The following CDH12 variants were observed in gnomAD, a reference collection of about 807,000 sequenced individuals.
CDH12 encodes cadherin-12.
Under a neutral mutation model 74.1 loss-of-function variants are expected in CDH12, and 41 were observed. The ratio of observed to expected loss-of-function variants is 0.55; its 90% CI spans 0.43 to 0.72. The LOEUF (loss-of-function observed/expected upper bound fraction) is 0.72, where lower values mean the gene tolerates loss of function less well. Ranked by LOEUF, CDH12 falls within the 30% of genes least tolerant of loss-of-function variation. The pLI is 0.00. For synonymous variants in CDH12, 399 were observed against 355.0 expected, an observed-to-expected ratio of 1.12 and a Z score of -1.39; for missense variants, 945 against 977.2, an observed-to-expected ratio of 0.97 and a Z score of 0.44.
chr5:21,880,000 A>G (rs544695614), intron 6 of CDH12, among the ~76,000 whole-genome samples: 2 of 152,222 alleles, frequency 1.3e-5, no homozygotes, highest in Non-Finnish European at 2.9e-5. Context: ...AGCTGTGAGC[A>G]GACAGTTCTG....
At chr5:22,088,665 TG>T (rs1447198123) in intron 4 of CDH12, among the ~76,000 whole-genome samples, 1 of 152,134 alleles carries the variant, frequency 6.6e-6, no homozygotes, top group African/African-American at 2.4e-5. Flanking sequence ...ATACTTTATT[TG>T]GACAGAGTGT....
chr5:22,072,500 T>C (rs1410132617), intron 5 of CDH12, among the ~76,000 whole-genome samples: 1 of 151,874 alleles, frequency 6.6e-6, no homozygotes, highest in Admixed American at 6.6e-5. Flanking sequence ...GTCATAGACA[T>C]TTCCCAACAG....
intron 1 of CDH12, among the ~76,000 whole-genome samples, chr5:22,735,291 A>G (rs1744627751): frequency 6.6e-6 from 1 of 151,912 alleles, no homozygotes; most frequent in Non-Finnish European, 1.5e-5. Flanking sequence ...CAAATAATAT[A>G]TGTGAGTTTT....
chr5:22,760,244 G>A (rs1166580181), intron 1 of CDH12, among the ~76,000 whole-genome samples: 1 of 152,098 alleles, frequency 6.6e-6, no homozygotes. Context: ...AACTGATAAA[G>A]ACAATACAGT....
At chr5:22,305,632 C>A (rs957983995) in intron 3 of CDH12, among the ~76,000 whole-genome samples, 1 of 152,082 alleles carries the variant, frequency 6.6e-6, no homozygotes, top group African/African-American at 2.4e-5. Context: ...AAGGGCATAA[C>A]CTTGGGAGAC....
chr5:22,225,238 G>A lies in CDH12; in HGVS notation c.-332-12595C>T, dbSNP rs115873642. On this transcript the variant is annotated intron_variant, in intron 3 of 14. Coordinates refer to ENST00000382254, the MANE Select transcript of CDH12 (RefSeq NM_004061.5). ...AGAATGATGTAGAAAGGATGCTAAC[G>A]TTATAAATATACAATAGCATAGCTC... 1.7e-3 allele frequency among the ~76,000 whole-genome samples: 262 copies of A among 152,170 alleles called. 4 individuals carry two copies. Among genetic ancestry groups the A allele is most frequent in the African/African-American group, 5.7e-3 (237 of 41,532 alleles).
intron 6 of CDH12, among the ~76,000 whole-genome samples, chr5:21,931,568 C>T (rs567011052): frequency 3.3e-5 from 5 of 152,072 alleles, no homozygotes; most frequent in African/African-American, 1.2e-4. Context: ...ATAAATCTGC[C>T]CAAGAATAAC....
At chr5:21,816,013 T>C (rs1190353437) in intron 9 of CDH12, among the ~76,000 whole-genome samples, 1 of 152,160 alleles carries the variant, frequency 6.6e-6, no homozygotes, top group Non-Finnish European at 1.5e-5. Flanking sequence ...CACAGAATAA[T>C]AGCACCTATA....
intron 1 of CDH12, among the ~76,000 whole-genome samples, chr5:22,837,295 C>T (rs1736870707): frequency 6.6e-6 from 1 of 152,020 alleles, no homozygotes; most frequent in Admixed American, 6.6e-5. Flanking sequence ...GTGGTCCTAG[C>T]TCCTCTGAAG....
intron 1 of CDH12, among the ~76,000 whole-genome samples, chr5:22,544,517 T>C (rs908140946): frequency 1.3e-5 from 2 of 152,086 alleles, no homozygotes; most frequent in African/African-American, 4.8e-5. Context: ...GTAGCAGGTA[T>C]ATTAAAAATG....
chr5:22,807,242 CATT>C (rs1407567970), intron 1 of CDH12, among the ~76,000 whole-genome samples: 1 of 152,082 alleles, frequency 6.6e-6, no homozygotes, highest in Non-Finnish European at 1.5e-5. Flanking sequence ...ATATTATAGT[CATT>C]ATGTTGGAAT....
intron 6 of CDH12, among the ~76,000 whole-genome samples, chr5:21,888,378 C>T (rs1043620626): frequency 1.3e-5 from 2 of 152,116 alleles, no homozygotes; most frequent in African/African-American, 4.8e-5. Context: ...GACTACATCA[C>T]TAACAATGCA....
chr5:22,119,220 G>T (rs914765219), intron 4 of CDH12, among the ~76,000 whole-genome samples: 7 of 151,010 alleles, frequency 4.6e-5, no homozygotes, highest in Non-Finnish European at 8.8e-5. Context: ...ATTCTTTTTG[G>T]CTTTGATGTA....
In CDH12 at chr5:22,749,302, A is replaced by C. The variant is rs184710177; in HGVS notation, c.-523+103756T>G. Among the ~76,000 whole-genome samples, 413 of 152,354 alleles carry C rather than the reference A, an allele frequency of 2.7e-3. 4 individuals are homozygous for C. The highest frequency in any genetic ancestry group is 9.6e-3 in the African/African-American group (400 of 41,586). On this transcript the variant is annotated intron_variant, in intron 1 of 14. Coordinates refer to ENST00000382254, the MANE Select transcript of CDH12 (RefSeq NM_004061.5). ...TGAGAAATGAGTCTGAAAGGGACATATGGTCCCAAGGTTAGAAAGCCTATT... is the reference window on the plus strand; with the variant it reads ...TGAGAAATGAGTCTGAAAGGGACATCTGGTCCCAAGGTTAGAAAGCCTATT...
At chr5:22,071,340 TCTGAGCTGTACA>T (rs1204888294) in intron 5 of CDH12, among the ~76,000 whole-genome samples, 1 of 152,152 alleles carries the variant, frequency 6.6e-6, no homozygotes, top group Non-Finnish European at 1.5e-5. Flanking sequence ...AAATATCATC[TCTGAGCTGTACA>T]CATCTCTTTT....
chr5:21,758,816 A>G (rs1314434609), intron 13 of CDH12, among the ~76,000 whole-genome samples: 1 of 152,206 alleles, frequency 6.6e-6, no homozygotes, highest in African/African-American at 2.4e-5. Context: ...TGTTCTGTGC[A>G]GCAACATGGA....
intron 1 of CDH12, among the ~76,000 whole-genome samples, chr5:22,514,463 T>C (rs553052447): frequency 6.6e-6 from 1 of 151,768 alleles, no homozygotes; most frequent in Admixed American, 6.6e-5. Flanking sequence ...AGGTTGAAGG[T>C]GGATTGGAGA....
At chr5:22,621,758 A>G (rs1346493685) in intron 1 of CDH12, among the ~76,000 whole-genome samples, 1 of 152,086 alleles carries the variant, frequency 6.6e-6, no homozygotes, top group Non-Finnish European at 1.5e-5. Context: ...CCATTTATAT[A>G]TTTCTCAAAT....
intron 6 of CDH12, chr5:21,884,076 C>G: frequency 2.1e-6 from 3 of 1,421,474 alleles, no homozygotes; most frequent in Non-Finnish European, 3.0e-6. Context: ...GAAAATTATG[C>G]AAAATTCCTC....
Sources: gnomAD v4.1 joint callset for allele counts (sites outside exome capture counted in the v4.1 genomes callset) on GRCh38, gnomAD v4.1.1 for gene constraint, MANE v1.5 for transcripts, NCBI Gene and HGNC (gene_info 2026-07-23, HGNC 2026-07-21) for gene names.